The following ANXA11 variants were observed in gnomAD, a reference collection of about 807,000 sequenced individuals.
ANXA11 encodes the protein annexin A11, also known as 56 kDa autoantigen.
Under a neutral mutation model 64.7 loss-of-function variants are expected in ANXA11, and 57 were observed. The ratio of observed to expected loss-of-function variants is 0.88; its 90% CI spans 0.71 to 1.10. The LOEUF (loss-of-function observed/expected upper bound fraction) is 1.10. ANXA11 is among the 50% of genes least tolerant of loss of function. The pLI, the probability that ANXA11 is intolerant of heterozygous loss-of-function variation, is 0.00. For synonymous variants in ANXA11, 260 were observed against 265.2 expected, an observed-to-expected ratio of 0.98 and a Z score of 0.19; for missense variants, 675 against 670.7, an observed-to-expected ratio of 1.01 and a Z score of -0.07.
intron 2 of ANXA11, among the ~76,000 whole-genome samples, chr10:80,173,903 C>T (rs1846072131): frequency 1.3e-5 from 2 of 152,228 alleles, no homozygotes; most frequent in African/African-American, 4.8e-5. Context: ...CCAAGAGTTT[C>T]TGAGACAGTG....
chr10:80,194,629 C>A (rs936055266), intron 1 of ANXA11, among the ~76,000 whole-genome samples: 1 of 152,152 alleles, frequency 6.6e-6, no homozygotes, highest in Admixed American at 6.5e-5. Context: ...AATCTAAGCC[C>A]TCCCAGCCTC....
intron 1 of ANXA11, among the ~76,000 whole-genome samples, chr10:80,203,076 G>C (rs1259294316): frequency 1.3e-5 from 2 of 148,410 alleles, no homozygotes; most frequent in African/African-American, 2.5e-5. Flanking sequence ...GACAGCAGAA[G>C]AAGAGGGGTG....
intron 1 of ANXA11, among the ~76,000 whole-genome samples, chr10:80,196,267 GC>G (rs1169168605): frequency 6.6e-6 from 1 of 152,190 alleles, no homozygotes; most frequent in Non-Finnish European, 1.5e-5. Flanking sequence ...AAGTGCCAGA[GC>G]CAGACACTTT....
intron 12 of ANXA11, among the ~76,000 whole-genome samples, chr10:80,161,295 C>T (rs1845493514): frequency 1.3e-5 from 2 of 152,232 alleles, no homozygotes; most frequent in Admixed American, 1.3e-4. Context: ...CCCTGCATCT[C>T]CCTTTAGGTT....
intron 1 of ANXA11, among the ~76,000 whole-genome samples, chr10:80,193,783 G>A (rs1020423518): frequency 2.1e-5 from 3 of 141,344 alleles, no homozygotes; most frequent in African/African-American, 8.1e-5. Flanking sequence ...CTGCACTCCA[G>A]CTTGGGCAAC....
chr10:80,169,366 G>C lies in ANXA11; in HGVS notation c.172-8C>G. 6.2e-7 allele frequency: 1 copy of C among 1,602,958 alleles called. No homozygotes were observed. Among genetic ancestry groups the C allele is most frequent in the Non-Finnish European group, 8.5e-7 (1 of 1,179,704 alleles). On this transcript the variant is annotated splice_region_variant and splice_polypyrimidine_tract_variant and intron_variant, in intron 4 of 15. Coordinates refer to ENST00000422982, the MANE Select transcript of ANXA11 (RefSeq NM_145868.2). ...CCCAGACATGTTGGCCGCCTGCAAG[G>C]ACACAAAGCAGAGCCTGAGGCCAAT...
intron 1 of ANXA11, among the ~76,000 whole-genome samples, chr10:80,188,504 T>TAC (rs1846635502): frequency 7.9e-6 from 1 of 127,036 alleles, no homozygotes; most frequent in Non-Finnish European, 1.7e-5. Context: ...TATATATATA[T>TAC]ATATATAGCA....
intron 1 of ANXA11, among the ~76,000 whole-genome samples, chr10:80,178,431 C>G (rs1477161247): frequency 6.6e-6 from 1 of 152,218 alleles, no homozygotes; most frequent in Non-Finnish European, 1.5e-5. Flanking sequence ...CAGCAGGCAG[C>G]TGGCCTCCTT....
At chr10:80,160,692 C>T (rs1845469465) in intron 12 of ANXA11, among the ~76,000 whole-genome samples, 1 of 152,088 alleles carries the variant, frequency 6.6e-6, no homozygotes, top group Non-Finnish European at 1.5e-5. Flanking sequence ...CTCCTGCAGT[C>T]CCAGAGCCTC....
chr10:80,186,619 C>T (rs1846550528), intron 1 of ANXA11, among the ~76,000 whole-genome samples: 1 of 152,200 alleles, frequency 6.6e-6, no homozygotes, highest in Non-Finnish European at 1.5e-5. Context: ...AGGGCCTCAG[C>T]CTGCATGAAG....
intron 1 of ANXA11, among the ~76,000 whole-genome samples, chr10:80,182,974 TG>T (rs1213013568): frequency 2.0e-5 from 3 of 152,178 alleles, no homozygotes; most frequent in African/African-American, 4.8e-5. Flanking sequence ...AACACACATC[TG>T]GTCGCAGGGT....
At chr10:80,198,544 C>G (rs1165237375) in intron 1 of ANXA11, among the ~76,000 whole-genome samples, 1 of 152,214 alleles carries the variant, frequency 6.6e-6, no homozygotes, top group Non-Finnish European at 1.5e-5. Flanking sequence ...CACAGACCTC[C>G]TAAATTAGAA....
At chr10:80,187,453 T>C (rs1218713996) in intron 1 of ANXA11, among the ~76,000 whole-genome samples, 4 of 152,204 alleles carry the variant, frequency 2.6e-5, no homozygotes, top group East Asian at 1.9e-4. Flanking sequence ...TGTACTTCTG[T>C]TGTTTATAAG....
Position 80,156,420 on chromosome 10 carries a change from C to T in ANXA11, c.1459-508G>A, listed in dbSNP as rs529168587. 326 of 472,142 alleles carry T rather than the reference C, an allele frequency of 6.9e-4. 1 individual carries two copies. Among genetic ancestry groups the T allele is most frequent in the Non-Finnish European group, 5.1e-4 (115 of 227,634 alleles). 29.2% of individuals were successfully genotyped at this position (472,142 alleles called of 1,614,324 possible). A position where few individuals can be genotyped will look rare whatever the true frequency, so the allele number is the denominator to read the frequency against. ...GGCTTGGCTCATTTCTAATCATTTC[C>T]TTCCACCCTAAGCAACTTGAGGGCA... On this transcript the variant is annotated intron_variant, in intron 15 of 15. Coordinates refer to ENST00000422982, the MANE Select transcript of ANXA11 (RefSeq NM_145868.2).
Position 80,161,996 on chromosome 10 carries a change from T to C in ANXA11, c.1119A>G (p.Gly373=), listed in dbSNP as rs755243184. The change falls in exon 12 of 16, where the codon GGA becomes GGG. Residue 373 remains glycine, a synonymous_variant. Transcript: ENST00000422982. The part of the protein sequence containing the change: ...ELYAAGENRL[G]TDESKFNAVL... ...CCGCATTGAACTTGGACTCGTCTGT[T>C]CCCAGGCGGTTCTCCCCGGCCGCAT... 2.5e-5 allele frequency: 40 copies of C among 1,612,156 alleles called. No individual in the cohort carries two copies. The highest frequency in any genetic ancestry group is 3.2e-5 in the Non-Finnish European group (38 of 1,179,818).
intron 1 of ANXA11, among the ~76,000 whole-genome samples, chr10:80,182,498 T>C (rs1207570153): frequency 1.3e-5 from 2 of 152,218 alleles, no homozygotes; most frequent in Admixed American, 1.3e-4. Flanking sequence ...TAAATGTATA[T>C]GCATATGTGT....
rs952742023 is a variant in ANXA11, at chr10:80,167,092, C to T, written c.650-108G>A. 17 of 1,254,130 alleles carry T rather than the reference C, an allele frequency of 1.4e-5. No homozygotes were observed. The African/African-American group carries it at 2.4e-4, about 17-fold the overall frequency. 77.7% of individuals were successfully genotyped at this position (1,254,130 alleles called of 1,614,324 possible). The stretch of plus-strand genomic sequence containing the variant: ...AACTGTTCTGGGCATGCTAGCCATA[C>T]CCCCACATCCACCTTCTATCACCAC... On this transcript the variant is annotated intron_variant, in intron 6 of 15. Coordinates refer to ENST00000422982, the MANE Select transcript of ANXA11 (RefSeq NM_145868.2).
rs77592173 is a variant in ANXA11 at position 80,196,878 on chromosome 10, G to A, written c.-58+8465C>T. Among the ~76,000 whole-genome samples the A allele has an allele frequency of 9.9e-3, 1,515 of 152,344 alleles. 26 individuals carry two copies. Among genetic ancestry groups the A allele is most frequent in the African/African-American group, 0.035 (1,445 of 41,580 alleles). Reference sequence around the variant, plus strand: ...CCTCTGAGGGCTGGCACCTGGGGCAGCTCAGCCTGGAGAAACTCCAGACAA... The same window carrying A: ...CCTCTGAGGGCTGGCACCTGGGGCAACTCAGCCTGGAGAAACTCCAGACAA... On this transcript the variant is annotated intron_variant, in intron 1 of 15. Coordinates refer to ENST00000422982, the MANE Select transcript of ANXA11 (RefSeq NM_145868.2).
At chr10:80,163,244 T>G in intron 11 of ANXA11, 105 bp downstream of exon 11, 1 of 1,301,538 alleles carries the variant, frequency 7.7e-7, no homozygotes, top group Admixed American at 1.9e-5. Flanking sequence ...TGCAACCCAC[T>G]GCTTATCTAT....
Sources: allele counts gnomAD v4.1 joint callset (sites outside exome capture counted in the v4.1 genomes callset), GRCh38; gene constraint gnomAD v4.1.1; transcripts MANE v1.5; gene names NCBI Gene and HGNC (gene_info 2026-07-23, HGNC 2026-07-21).